Variants in SMARCC2 observed in about 807,000 individuals in gnomAD.
The protein encoded by SMARCC2 is SWI/SNF related BAF chromatin remodeling complex subunit C2.
A neutral mutation model predicts 151.3 loss-of-function variants in SMARCC2; 15 were observed. That is an observed-to-expected ratio of 0.10 (90% CI 0.07 to 0.15). SMARCC2 has a LOEUF of 0.15. Among genes scored for constraint, SMARCC2 ranks in the 10% least tolerant of loss-of-function variants. SMARCC2 has a pLI of 1.00. For missense variants in SMARCC2, 1,031 were observed against 1,599.7 expected (o/e 0.64, Z 6.06); for synonymous variants, 590 against 609.5 (o/e 0.97, Z 0.47).
intron 3 of SMARCC2, 157 bp from the exon 4 acceptor site, chr12:56,185,268 TC>T: frequency 1.6e-6 from 1 of 615,512 alleles, no homozygotes; most frequent in Non-Finnish European, 3.0e-6. Flanking sequence ...AACCTCTGCC[TC>T]CCAGGTTCAA....
chr12:56,174,275 A>C (rs1258503379), intron 16 of SMARCC2, among the ~76,000 whole-genome samples: 1 of 151,970 alleles, frequency 6.6e-6, no homozygotes, highest in African/African-American at 2.4e-5. Flanking sequence ...ATGCCTAGCT[A>C]ATTTTTTTGC....
At chr12:56,182,321 A>AT (rs763722796) in intron 7 of SMARCC2, among the ~76,000 whole-genome samples, 1,611 of 143,594 alleles carry the variant, frequency 0.011, 12 homozygotes, top group East Asian at 0.021. Flanking sequence ...CTCCACAGTA[A>AT]TTTTTTTTTT....
Position 56,181,043 on chromosome 12 carries a change from G to C in SMARCC2, c.1015C>G (p.Leu339Val), listed in dbSNP as rs143026086. ...GAGGGCTCGTCCATGTCCTTTGTCAGGTCTTCTTGCTCCTCTTCTCTGTGG... is the reference window on the plus strand; with the variant it reads ...GAGGGCTCGTCCATGTCCTTTGTCACGTCTTCTTGCTCCTCTTCTCTGTGG... ...RGHREEEQEDLTKDMDEPSPV... is the reference protein window; with the variant it reads ...RGHREEEQEDVTKDMDEPSPV... The change falls in exon 11 of 29, where the codon CTG becomes GTG. Residue 339 changes from leucine (L) to valine (V), a missense_variant. Coordinates refer to ENST00000550164, the MANE Select transcript of SMARCC2 (RefSeq NM_001330288.2). 1.1e-4 allele frequency: 180 copies of C among 1,613,978 alleles called. No homozygotes were observed. The Middle Eastern group carries it at 1.6e-3, about 15-fold the overall frequency.
intron 10 of SMARCC2, 169 bp downstream of exon 10, chr12:56,181,309 GAACT>G (rs1876154515): frequency 3.1e-6 from 2 of 649,122 alleles, no homozygotes; most frequent in Admixed American, 3.0e-5. Context: ...GCCAGAACCA[GAACT>G]AACAACTGAG....
chr12:56,167,080 C>T (rs1259431755), intron 26 of SMARCC2, among the ~76,000 whole-genome samples: 2 of 134,048 alleles, frequency 1.5e-5, no homozygotes, highest in Admixed American at 7.6e-5. Context: ...AAAAAAAAAG[C>T]GTGATGACTC....
intron 11 of SMARCC2, among the ~76,000 whole-genome samples, chr12:56,180,509 T>C (rs561619838): frequency 5.3e-5 from 8 of 151,158 alleles, no homozygotes; most frequent in Non-Finnish European, 1.2e-4. Flanking sequence ...GTTCAAGCAA[T>C]TCTCCTGCCT....
chr12:56,184,470 G>C (rs774576161), intron 5 of SMARCC2: 105 of 568,708 alleles, frequency 1.8e-4, no homozygotes, highest in South Asian at 3.9e-4. Flanking sequence ...CTTCTGAACA[G>C]ATAATCTATA....
rs377285493 is a variant in SMARCC2, at chr12:56,187,247, T to C, written c.171A>G (p.Leu57=). 23 of 1,613,906 alleles carry C rather than the reference T, an allele frequency of 1.4e-5. No homozygotes were observed. The highest frequency in any genetic ancestry group is 3.3e-5 in the Admixed American group (2 of 59,992). The change falls in exon 2 of 29, where the codon CTA becomes CTG. Residue 57 remains leucine, a synonymous_variant. Transcript: ENST00000550164. ...KSLSSLVVQL[L]QFQEEVFGKH... ...TGCCAAAAACTTCTTCCTGAAATTG[T>C]AGCAACTGTACAACCAGGCTAGACA... is the stretch of plus-strand genomic sequence containing the variant.
Position 56,181,770 on chromosome 12 carries a change from T to C in SMARCC2, c.774A>G (p.Glu258=). The part of the protein sequence containing the change: ...FNEWMNEEDY[E]VNDDKNPVSR... ...AGACAGGGTTTTTGTCATCATTTAC[T>C]TCATAGTCTTCCTCATTCATCCATT... Residue 258 remains glutamate, a synonymous_variant, in exon 9 of 29, where the codon GAA becomes GAG. Coordinates refer to ENST00000550164, the MANE Select transcript of SMARCC2 (RefSeq NM_001330288.2). 1 of 1,614,198 alleles carries C rather than the reference T, an allele frequency of 6.2e-7. No homozygotes were observed. Among genetic ancestry groups the C allele is most frequent in the Non-Finnish European group, 8.5e-7 (1 of 1,180,014 alleles).
At position 56,171,192 on chromosome 12, in the gene SMARCC2, G is replaced by A; in HGVS notation, c.2347+79C>T. ...TCATGTTGTGCTCTAATGCCAACTT[G>A]AGGCAGAAATGGCACAGGAGGCCAG... On this transcript the variant is annotated intron_variant, in intron 22 of 28. Transcript: ENST00000550164. The surrounding 1 kb of genome is among the most constrained non-coding windows in gnomAD (Gnocchi z 4.2). 1 of 1,438,512 alleles carries A rather than the reference G, an allele frequency of 7.0e-7. No individual in the cohort carries two copies. The allele number at this position is 1,438,512 out of a possible 1,614,324, so 89.1% of individuals were successfully genotyped here. A position where few individuals can be genotyped will look rare whatever the true frequency, so the allele number is the denominator to read the frequency against.
chr12:56,169,867 C>G lies in SMARCC2; in HGVS notation c.2457G>C (p.Glu819Asp), dbSNP rs1873572533. 6.2e-7 allele frequency: 1 copy of G among 1,614,098 alleles called. No homozygotes were observed. The highest frequency in any genetic ancestry group is 1.3e-5 in the African/African-American group (1 of 75,028). The part of the protein sequence containing the change: ...GGGAIEEEAK[E>D]KTSEAPKKDE... Reference sequence around the variant, plus strand: ...CCTTCTTGGGAGCCTCGCTGGTTTTCTCTTTTGCTTCCTCCTCTATAGCAC... The same window carrying G: ...CCTTCTTGGGAGCCTCGCTGGTTTTGTCTTTTGCTTCCTCCTCTATAGCAC... Residue 819 changes from glutamate to aspartate, a missense_variant, in exon 24 of 29, where the codon GAG (glutamate) becomes GAC (aspartate). By Grantham distance (45) the Glu-to-Asp change is conservative (BLOSUM62 2). Coordinates refer to ENST00000550164, the MANE Select transcript of SMARCC2 (RefSeq NM_001330288.2).
Position 56,172,922 on chromosome 12 carries a change from C to T in SMARCC2, c.1743+15G>A, listed in dbSNP as rs371762866. 3 of 1,611,638 alleles carry T rather than the reference C, an allele frequency of 1.9e-6. No individual in the cohort carries two copies. The African/African-American group carries it at 4.0e-5, about 22-fold the overall frequency. The stretch of plus-strand genomic sequence containing the variant: ...GGGAAAATGAGCAGCCCAGCAGGGT[C>T]TGCACCCCACCTACCAGCTCTGGCT... On this transcript the variant is annotated intron_variant, in intron 18 of 28. Transcript: ENST00000550164.
In SMARCC2 at chr12:56,174,764, G is replaced by A. The variant is rs751758091; in HGVS notation, c.1383C>T (p.Ile461=). 1.3e-6 allele frequency: 2 copies of A among 1,585,966 alleles called. No individual in the cohort carries two copies. The highest frequency in any genetic ancestry group is 1.7e-5 in the Admixed American group (1 of 59,748). The part of the protein sequence containing the change: ...NGKNKSKTPE[I]YLAYRNFMID... ...TCATAAAGTTTCGATAGGCCAGGTA[G>A]CTTAGAAGAAAGAGAGAGAGAAACA... Residue 461 remains isoleucine, a splice_region_variant and synonymous_variant, in exon 16 of 29, where the codon ATC becomes ATT. Transcript: ENST00000550164.
intron 10 of SMARCC2, 27 bp downstream of exon 10, chr12:56,181,455 A>C: frequency 2.3e-6 from 3 of 1,318,012 alleles, no homozygotes; most frequent in Non-Finnish European, 3.1e-6. Flanking sequence ...AATGGTGAAC[A>C]CGGGGGCAGG....
intron 17 of SMARCC2, 79 bp downstream of exon 17, chr12:56,173,617 C>G: frequency 7.6e-7 from 1 of 1,323,562 alleles, no homozygotes; most frequent in Non-Finnish European, 1.0e-6. Context: ...TGAACCATTA[C>G]CCTAAAAACC....
At chr12:56,185,555 T>G (rs1877091433) in intron 3 of SMARCC2, 2 of 179,396 alleles carry the variant, frequency 1.1e-5, no homozygotes, top group Admixed American at 1.1e-4. Flanking sequence ...CTTGGCCAGC[T>G]GCAACCTCTG....
intron 2 of SMARCC2, 60 bp downstream of exon 2, chr12:56,187,127 C>G: frequency 6.6e-7 from 1 of 1,519,150 alleles, no homozygotes; most frequent in Non-Finnish European, 9.0e-7. Flanking sequence ...AAATACAACT[C>G]TTCAGTTTGA....
chr12:56,178,088 T>C lies in SMARCC2; in HGVS notation c.1316A>G (p.His439Arg). Residue 439 changes from histidine (H) to arginine (R), a missense_variant, in exon 15 of 29, where the codon CAT becomes CGT. Coordinates refer to ENST00000550164, the MANE Select transcript of SMARCC2 (RefSeq NM_001330288.2). Reference sequence around the variant, plus strand: ...GGGGAGAGCCCTCCGCTCAATGGCATGAACACTGCAAGAAAAGCCAGAATG... The same window carrying C: ...GGGGAGAGCCCTCCGCTCAATGGCACGAACACTGCAAGAAAAGCCAGAATG... The part of the protein sequence containing the change: ...YAAWFDYNSV[H>R]AIERRALPEF... The C allele has an allele frequency of 6.2e-7, 1 of 1,612,954 alleles. No individual in the cohort carries two copies. Among genetic ancestry groups the C allele is most frequent in the Non-Finnish European group, 8.5e-7 (1 of 1,179,148 alleles).
At chr12:56,181,288 G>A (rs1876148960) in intron 10 of SMARCC2, 187 bp from the exon 11 acceptor site, 2 of 663,050 alleles carry the variant, frequency 3.0e-6, no homozygotes, top group South Asian at 4.2e-5. Context: ...CTCTTTAAAT[G>A]TACTAGTGGG....
Sources: allele counts gnomAD v4.1 joint callset (sites outside exome capture counted in the v4.1 genomes callset), GRCh38; gene constraint gnomAD v4.1.1; non-coding constraint Gnocchi (gnomAD v3.1); transcripts MANE v1.5; gene names NCBI Gene and HGNC (gene_info 2026-07-23, HGNC 2026-07-21).